OSBPL3: variants seen among roughly 807,000 people sequenced by gnomAD.
The protein encoded by OSBPL3 is oxysterol binding protein like 3.
A neutral mutation model predicts 120.1 loss-of-function variants in OSBPL3; 65 were observed. The ratio of observed to expected loss-of-function variants is 0.54; its 90% CI spans 0.44 to 0.67. OSBPL3 has a LOEUF of 0.67. Among genes scored for constraint, OSBPL3 ranks in the 30% least tolerant of loss-of-function variants. The probability of loss-of-function intolerance (pLI) is 0.00; values close to 1 mark genes in which losing one functional copy is unlikely to be tolerated. For synonymous variants in OSBPL3, 416 were observed against 402.6 expected (o/e 1.03, Z -0.40); for missense variants, 1,004 against 1,082.1 (o/e 0.93, Z 1.01).
chr7:24,861,851 G>T (rs2128249213), intron 9 of OSBPL3, 82 bp from the exon 10 acceptor site: 3 of 950,712 alleles, frequency 3.2e-6, no homozygotes, highest in South Asian at 2.0e-5. Context: ...TTGAAACATG[G>T]TAATACAAAT....
At chr7:24,962,463 GAGAGGAGGA>G (rs1815897875) in intron 1 of OSBPL3, among the ~76,000 whole-genome samples, 1 of 149,576 alleles carries the variant, frequency 6.7e-6, no homozygotes, top group African/African-American at 2.5e-5. Flanking sequence ...GAGAGGAGGA[GAGAGGAGGA>G]GAGAGGAGGA....
intron 12 of OSBPL3, among the ~76,000 whole-genome samples, chr7:24,845,027 A>T (rs1798235453): frequency 6.6e-6 from 1 of 152,154 alleles, no homozygotes. Context: ...AGATTTGCGA[A>T]AATGGTTTAG....
At chr7:24,951,624 T>G (rs182697234) in intron 1 of OSBPL3, among the ~76,000 whole-genome samples, 28 of 152,344 alleles carry the variant, frequency 1.8e-4, no homozygotes, top group Non-Finnish European at 2.5e-4. Context: ...CACAGGATTT[T>G]CTTCCCCCAA....
At chr7:24,828,074 G>C (rs1795909675) in intron 16 of OSBPL3, among the ~76,000 whole-genome samples, 1 of 151,888 alleles carries the variant, frequency 6.6e-6, no homozygotes, top group South Asian at 2.1e-4. Flanking sequence ...GCCCAGGCTG[G>C]AGTGCAGTGG....
chr7:24,810,135 C>T (rs1793596017), intron 19 of OSBPL3, 184 bp from the exon 20 acceptor site: 3 of 597,148 alleles, frequency 5.0e-6, no homozygotes, highest in East Asian at 2.9e-5. Context: ...TTATCATGTA[C>T]AACATAGTGT....
intron 22 of OSBPL3, 22 bp from the exon 23 acceptor site, chr7:24,800,301 C>T: frequency 1.4e-6 from 2 of 1,381,506 alleles, no homozygotes; most frequent in Non-Finnish European, 2.1e-6. Context: ...GAAACAATTT[C>T]TTGCAGACTC....
chr7:24,806,719 G>C lies in OSBPL3; in HGVS notation c.2444+57C>G. 6.4e-7 allele frequency: 1 copy of C among 1,552,300 alleles called. No homozygotes were observed. The highest frequency in any genetic ancestry group is 2.3e-5 in the East Asian group (1 of 43,932). ...CTGGTGGCCTAAGGATTGTTAATAAGACTTTTTGTAAAGGGTTTTACATCT... is the reference window on the plus strand; with the variant it reads ...CTGGTGGCCTAAGGATTGTTAATAACACTTTTTGTAAAGGGTTTTACATCT... On this transcript the variant is annotated intron_variant, in intron 21 of 22. Transcript: ENST00000313367. The surrounding 1 kb of genome is among the most constrained non-coding windows in gnomAD (Gnocchi z 5.2).
intron 1 of OSBPL3, chr7:24,906,376 GC>G: frequency 3.9e-6 from 1 of 255,898 alleles, no homozygotes; most frequent in Non-Finnish European, 8.0e-6. Context: ...TGGGATCATT[GC>G]CCCTGCTGGG....
At position 24,922,920 on chromosome 7, in the gene OSBPL3, C is replaced by T. The variant is rs1361426581; in HGVS notation, c.-149-30299G>A. On this transcript the variant is annotated intron_variant, in intron 1 of 22. Coordinates refer to ENST00000313367, the MANE Select transcript of OSBPL3 (RefSeq NM_015550.4). The surrounding 1 kb of genome is among the most constrained non-coding windows in gnomAD (Gnocchi z 4.3). ...TCGATGCAGCAAACAAACAAAAAAGCAAGTTTGCTTACAGTTTTGGCAGTC... is the reference window on the plus strand; with the variant it reads ...TCGATGCAGCAAACAAACAAAAAAGTAAGTTTGCTTACAGTTTTGGCAGTC... Among the ~76,000 whole-genome samples, 14 of 140,078 alleles carry T rather than the reference C, an allele frequency of 1.0e-4. No homozygotes were observed. Among genetic ancestry groups the T allele is most frequent in the African/African-American group, 3.3e-4 (13 of 39,418 alleles). 91.9% of individuals were successfully genotyped at this position (140,078 alleles called of 152,430 possible).
rs1802109977 is a variant in OSBPL3 at position 24,871,549 on chromosome 7, G to A, written c.267+193C>T. Among the ~76,000 whole-genome samples, 1 of 152,074 alleles carries A rather than the reference G, an allele frequency of 6.6e-6. No individual in the cohort carries two copies. Among genetic ancestry groups the A allele is most frequent in the African/African-American group, 2.4e-5 (1 of 41,380 alleles). ...CTTTTGCATGCCCAGAGAGTGTTGC[G>A]GGAGCCCCTGCACCTTGACCTGGTG... is the stretch of plus-strand genomic sequence containing the variant. On this transcript the variant is annotated intron_variant, in intron 4 of 22. Transcript: ENST00000313367. This position sits in a 1 kb window ranked among gnomAD's most constrained non-coding sequence, Gnocchi z 4.8.
At position 24,813,976 on chromosome 7, in the gene OSBPL3, C is replaced by G. The variant is rs946972350; in HGVS notation, c.2172+1083G>C. Among the ~76,000 whole-genome samples, 1 of 152,086 alleles carries G rather than the reference C, an allele frequency of 6.6e-6. No individual in the cohort carries two copies. The highest frequency in any genetic ancestry group is 1.5e-5 in the Non-Finnish European group (1 of 68,026). ...GACACCATTGCAGGAATCAGGGCTA[C>G]AGAAGTGAGCAAGATAGACTAGGTT... On this transcript the variant is annotated intron_variant, in intron 19 of 22. Transcript: ENST00000313367. The surrounding 1 kb of genome is among the most constrained non-coding windows in gnomAD (Gnocchi z 4.5).
intron 16 of OSBPL3, among the ~76,000 whole-genome samples, chr7:24,828,833 T>C (rs1316007577): frequency 6.6e-6 from 1 of 151,868 alleles, no homozygotes; most frequent in East Asian, 1.9e-4. Flanking sequence ...ATGGAGCAAA[T>C]TGTGGAGTTA....
rs139465159 is a variant in OSBPL3, at chr7:24,803,956, T to G, written c.2567+359A>C. 2.6e-5 allele frequency among the ~76,000 whole-genome samples: 4 copies of G among 152,304 alleles called. No individual in the cohort carries two copies. Among genetic ancestry groups the G allele is most frequent in the African/African-American group, 9.6e-5 (4 of 41,568 alleles). On this transcript the variant is annotated intron_variant, in intron 22 of 22. Coordinates refer to ENST00000313367, the MANE Select transcript of OSBPL3 (RefSeq NM_015550.4). This position sits in a 1 kb window ranked among gnomAD's most constrained non-coding sequence, Gnocchi z 4.2. ...TCTCTGTCATGGTGTAAAACATGCC[T>G]ATGGGGGTGACCAACCTTAGCTGTG...
rs544249138 is a variant in OSBPL3 at position 24,804,462 on chromosome 7, G to GA, written c.2445-26dup. On this transcript the variant is annotated intron_variant, in intron 21 of 22. Coordinates refer to ENST00000313367, the MANE Select transcript of OSBPL3 (RefSeq NM_015550.4). The surrounding 1 kb of genome is among the most constrained non-coding windows in gnomAD (Gnocchi z 5.4). ...CCTGAGGCATCGAGGAAAAAAAAAT[G>GA]AAAGGATATGAATTCAAGAAAACAA... 3.3e-4 allele frequency: 529 copies of GA among 1,599,936 alleles called. 2 individuals are homozygous for GA. The African/African-American group carries it at 6.6e-3, about 20-fold the overall frequency.
chr7:24,853,947 A>G (rs756439635), intron 10 of OSBPL3, among the ~76,000 whole-genome samples: 4 of 152,136 alleles, frequency 2.6e-5, no homozygotes, highest in Non-Finnish European at 5.9e-5. Context: ...AGAATCCCCC[A>G]GCTCTAACCC....
At position 24,930,520 on chromosome 7, in the gene OSBPL3, G is replaced by C. The variant is rs1450678049; in HGVS notation, c.-149-37899C>G. 1.3e-5 allele frequency among the ~76,000 whole-genome samples: 2 copies of C among 152,114 alleles called. No homozygotes were observed. Among genetic ancestry groups the C allele is most frequent in the African/African-American group, 2.4e-5 (1 of 41,424 alleles). ...TTCAGTGGGAGGTCTATTTCAATAG[G>C]AATGGGGGACACTGAGTTGCAGCTA... On this transcript the variant is annotated intron_variant, in intron 1 of 22. Coordinates refer to ENST00000313367, the MANE Select transcript of OSBPL3 (RefSeq NM_015550.4). This position sits in a 1 kb window ranked among gnomAD's most constrained non-coding sequence, Gnocchi z 4.4.
chr7:24,943,437 C>T (rs1160584821), intron 1 of OSBPL3, among the ~76,000 whole-genome samples: 1 of 152,174 alleles, frequency 6.6e-6, no homozygotes, highest in East Asian at 1.9e-4. Context: ...CATTCCAATA[C>T]AAAAAGCAGT....
intron 1 of OSBPL3, among the ~76,000 whole-genome samples, chr7:24,908,085 G>A (rs960930999): frequency 2.6e-5 from 4 of 152,108 alleles, no homozygotes; most frequent in African/African-American, 9.7e-5. Context: ...TTGGCCACAA[G>A]AGACATCATT....
At chr7:24,897,070 A>G (rs1356176983) in intron 1 of OSBPL3, among the ~76,000 whole-genome samples, 1 of 139,746 alleles carries the variant, frequency 7.2e-6, no homozygotes, top group African/African-American at 2.6e-5. Flanking sequence ...GGAGAGAGGG[A>G]GGGAGGGAAG....
Sources: allele counts gnomAD v4.1 joint callset (sites outside exome capture counted in the v4.1 genomes callset), GRCh38; gene constraint gnomAD v4.1.1; non-coding constraint Gnocchi (gnomAD v3.1); transcripts MANE v1.5; gene names NCBI Gene and HGNC (gene_info 2026-07-23, HGNC 2026-07-21).